Variants in IGSF5 observed in about 807,000 individuals in gnomAD.
IGSF5 encodes the protein immunoglobulin superfamily 5 like.
In IGSF5, 41 loss-of-function variants were observed where a neutral mutation model predicts 39.4. The ratio of observed to expected loss-of-function variants is 1.04; its 90% CI spans 0.81 to 1.35. The LOEUF (loss-of-function observed/expected upper bound fraction) is 1.35. Ranked by LOEUF, IGSF5 falls within the 40% of genes most tolerant of loss-of-function variation. IGSF5 has a pLI of 0.00. For synonymous variants in IGSF5, 183 were observed against 175.3 expected (o/e 1.04, Z -0.34); for missense variants, 487 against 494.6 (o/e 0.98, Z 0.15).
At chr21:39,792,730 G>A (rs2086972538) in intron 7 of IGSF5, among the ~76,000 whole-genome samples, 2 of 152,106 alleles carry the variant, frequency 1.3e-5, no homozygotes, top group African/African-American at 4.8e-5. Context: ...TCTTGCTGTA[G>A]TATCTCATTT....
chr21:39,743,528 C>T (rs199751364), upstream of IGSF5, among the ~76,000 whole-genome samples: 6,667 of 87,092 alleles, frequency 0.077, no homozygotes, highest in Non-Finnish European at 0.089. Flanking sequence ...GGGGCATAAT[C>T]GGGGAATATT....
At chr21:39,780,936 C>T (rs182341616) in intron 5 of IGSF5, among the ~76,000 whole-genome samples, 11 of 152,294 alleles carry the variant, frequency 7.2e-5, no homozygotes, top group African/African-American at 1.4e-4. Context: ...TTCTAAAGAT[C>T]GGAGTTTTGA....
upstream of IGSF5, among the ~76,000 whole-genome samples, chr21:39,744,705 A>G (rs901457360): frequency 2.6e-5 from 4 of 152,262 alleles, no homozygotes; most frequent in Admixed American, 6.5e-5. Flanking sequence ...TAATGGCCCC[A>G]TACTTTAAGA....
At chr21:39,788,265 T>A in intron 6 of IGSF5, 77 bp downstream of exon 6, 2 of 1,026,226 alleles carry the variant, frequency 1.9e-6, no homozygotes, top group Non-Finnish European at 3.0e-6. Context: ...CAACAATACG[T>A]ACACACAACT....
the IGSF5 span, among the ~76,000 whole-genome samples, chr21:39,712,197 C>A: frequency 1.3e-5 from 2 of 152,142 alleles, no homozygotes; most frequent in East Asian, 3.9e-4. Context: ...AGGAGATTAT[C>A]TCCAAGCTGT....
At chr21:39,791,830 T>A in intron 6 of IGSF5, 178 bp from the exon 7 acceptor site, 1 of 547,830 alleles carries the variant, frequency 1.8e-6, no homozygotes, top group East Asian at 2.9e-5. Context: ...AATGTGTGAG[T>A]AGGCAGGCGT....
At chr21:39,734,579 A>AT in the IGSF5 span, among the ~76,000 whole-genome samples, 2 of 152,010 alleles carry the variant, frequency 1.3e-5, no homozygotes, top group Middle Eastern at 3.4e-3. Context: ...ATAACCACTG[A>AT]TTTTTTTAAA....
intron 2 of IGSF5, among the ~76,000 whole-genome samples, chr21:39,753,945 T>C (rs2080017877): frequency 6.6e-6 from 1 of 152,212 alleles, no homozygotes. Flanking sequence ...TTTAGTCCAT[T>C]CTGCCATTTT....
chr21:39,798,642 A>C (rs944697449), intron 8 of IGSF5, among the ~76,000 whole-genome samples: 1 of 152,188 alleles, frequency 6.6e-6, no homozygotes. Context: ...CATCTTTGTC[A>C]TGAATCACCC....
At position 39,792,036 on chromosome 21, in the gene IGSF5, G is replaced by C. The variant is rs1359264821; in HGVS notation, c.985G>C (p.Glu329Gln). The C allele has an allele frequency of 2.5e-6, 4 of 1,610,106 alleles. No individual in the cohort carries two copies. Among genetic ancestry groups the C allele is most frequent in the Non-Finnish European group, 3.4e-6 (4 of 1,178,012 alleles). Residue 329 changes from glutamate (E) to glutamine (Q), a missense_variant, in exon 7 of 9, where the codon GAA becomes CAA. Coordinates refer to ENST00000380588, the MANE Select transcript of IGSF5 (RefSeq NM_001080444.2). Reference sequence around the variant, plus strand: ...ATCTGAAAAAGAGAAGACAAACAAAGAAACTGAGACAGAAAGTGGAAATGA... The same window carrying C: ...ATCTGAAAAAGAGAAGACAAACAAACAAACTGAGACAGAAAGTGGAAATGA... ...KKSEKEKTNKETETESGNENS... is the reference protein window; with the variant it reads ...KKSEKEKTNKQTETESGNENS...
chr21:39,731,052 C>A, the IGSF5 span, among the ~76,000 whole-genome samples: 1 of 152,240 alleles, frequency 6.6e-6, no homozygotes, highest in Non-Finnish European at 1.5e-5. Context: ...TGGCAGACAG[C>A]TGACACCCGA....
chr21:39,754,611 T>C (rs905585791), intron 2 of IGSF5, among the ~76,000 whole-genome samples: 3 of 152,132 alleles, frequency 2.0e-5, no homozygotes, highest in Non-Finnish European at 4.4e-5. Flanking sequence ...GAGGAATTGG[T>C]GGGTGGCTAA....
the IGSF5 span, among the ~76,000 whole-genome samples, chr21:39,737,710 C>T: frequency 7.2e-5 from 11 of 152,144 alleles, no homozygotes; most frequent in African/African-American, 1.2e-4. Flanking sequence ...CCATGTGTTC[C>T]GGAGACGTCA....
At chr21:39,740,181 G>A in the IGSF5 span, among the ~76,000 whole-genome samples, 2 of 152,210 alleles carry the variant, frequency 1.3e-5, no homozygotes, top group Admixed American at 1.3e-4. Context: ...GTTTCCCAGA[G>A]GGGATTACCC....
At chr21:39,719,784 T>G in the IGSF5 span, among the ~76,000 whole-genome samples, 2 of 152,212 alleles carry the variant, frequency 1.3e-5, no homozygotes, top group Admixed American at 1.3e-4. Flanking sequence ...TTGGTGTTCA[T>G]GTGTTCTTCC....
At chr21:39,799,683 G>A (rs949031993) in intron 8 of IGSF5, among the ~76,000 whole-genome samples, 16 of 152,096 alleles carry the variant, frequency 1.1e-4, no homozygotes, top group African/African-American at 3.4e-4. Context: ...AGATGCTCAC[G>A]GTGGTGCCAT....
chr21:39,792,894 C>G (rs1337172354), intron 7 of IGSF5, among the ~76,000 whole-genome samples: 1 of 152,196 alleles, frequency 6.6e-6, no homozygotes, highest in Non-Finnish European at 1.5e-5. Flanking sequence ...CCTGCCCTCA[C>G]AGGCTGCTGG....
chr21:39,739,167 T>C, the IGSF5 span, among the ~76,000 whole-genome samples: 13,368 of 152,002 alleles, frequency 0.088, 719 homozygotes, highest in East Asian at 0.26. Flanking sequence ...TGACCTCAAG[T>C]GATCCGCCCA....
upstream of IGSF5, among the ~76,000 whole-genome samples, chr21:39,740,596 A>C (rs569095166): frequency 1.6e-4 from 25 of 152,312 alleles, no homozygotes; most frequent in African/African-American, 6.0e-4. Flanking sequence ...TGACTACTGC[A>C]TACCCCACTT....
Sources: allele counts gnomAD v4.1 joint callset (sites outside exome capture counted in the v4.1 genomes callset), GRCh38; gene constraint gnomAD v4.1.1; transcripts MANE v1.5; gene names NCBI Gene and HGNC (gene_info 2026-07-23, HGNC 2026-07-21).